The following GALR1 variants were observed in gnomAD, a reference collection of about 807,000 sequenced individuals.
GALR1 encodes the protein galanin receptor 1.
In GALR1, 11 loss-of-function variants were observed where a neutral mutation model predicts 17.9. The observed-to-expected ratio is 0.62, with a 90% CI of 0.39 to 1.02. The LOEUF is 1.02. GALR1 is among the 50% of genes least tolerant of loss of function. The pLI, the probability that GALR1 is intolerant of heterozygous loss-of-function variation, is 0.01. For missense variants in GALR1, 441 were observed against 456.9 expected, an observed-to-expected ratio of 0.97 and a Z score of 0.32; for synonymous variants, 206 against 205.7, an observed-to-expected ratio of 1.00 and a Z score of -0.01.
At chr18:77,258,924 A>ATGGTCATGG (rs1912712113) in intron 2 of GALR1, among the ~76,000 whole-genome samples, 1 of 102,514 alleles carries the variant, frequency 9.8e-6, no homozygotes, top group Non-Finnish European at 2.0e-5. Context: ...GGTGGTGATG[A>ATGGTCATGG]TGGTCATGGT....
In GALR1 at chr18:77,272,451, A is replaced by G. The variant is rs1347411092; in HGVS notation, c.*3549A>G. 1.3e-5 allele frequency: 2 copies of G among 152,236 alleles called. No individual in the cohort carries two copies. Among genetic ancestry groups the G allele is most frequent in the African/African-American group, 4.8e-5 (2 of 41,450 alleles). The allele number at this position is 152,236 out of a possible 1,614,324, so 9.4% of individuals were successfully genotyped here. ...ATGCTGAAGCAGCATTACATTGAGGAAAATAACCTATTGGGCAGCTTCATC... is the reference window on the plus strand; with the variant it reads ...ATGCTGAAGCAGCATTACATTGAGGGAAATAACCTATTGGGCAGCTTCATC... On this transcript the variant is annotated 3_prime_UTR_variant, in exon 3 of 3. Coordinates refer to ENST00000299727, the MANE Select transcript of GALR1 (RefSeq NM_001480.4).
chr18:77,270,145 A>G lies in GALR1; in HGVS notation c.*1243A>G, dbSNP rs569829915. The G allele has an allele frequency of 6.6e-6, 1 of 152,220 alleles. No homozygotes were observed. Among genetic ancestry groups the G allele is most frequent in the Non-Finnish European group, 1.5e-5 (1 of 68,036 alleles). 9.4% of individuals were successfully genotyped at this position (152,220 alleles called of 1,614,324 possible). On this transcript the variant is annotated 3_prime_UTR_variant, in exon 3 of 3. Coordinates refer to ENST00000299727, the MANE Select transcript of GALR1 (RefSeq NM_001480.4). Reference sequence around the variant, plus strand: ...TTAAATTGTCTTGTATCGGAAAAGTACTTTTCAGACTGTAAGACTTTGATA... The same window carrying G: ...TTAAATTGTCTTGTATCGGAAAAGTGCTTTTCAGACTGTAAGACTTTGATA...
intron 2 of GALR1, among the ~76,000 whole-genome samples, chr18:77,258,609 G>T (rs1481795486): frequency 6.7e-6 from 1 of 148,832 alleles, no homozygotes; most frequent in Non-Finnish European, 1.5e-5. Context: ...GGTCATGGTG[G>T]TGATGGTGGT....
At chr18:77,259,497 G>A (rs1912774595) in intron 2 of GALR1, among the ~76,000 whole-genome samples, 1 of 149,230 alleles carries the variant, frequency 6.7e-6, no homozygotes, top group Non-Finnish European at 1.5e-5. Context: ...TGATGGTGGT[G>A]GTGGTGATGG....
chr18:77,251,920 T>G (rs1228216288), intron 1 of GALR1, among the ~76,000 whole-genome samples: 4 of 152,230 alleles, frequency 2.6e-5, no homozygotes, highest in African/African-American at 4.8e-5. Flanking sequence ...AAAAGGGTGT[T>G]TCTTTACAGA....
chr18:77,252,965 CCACCATCACCACCAT>C (rs564082992), intron 1 of GALR1, among the ~76,000 whole-genome samples: 1 of 49,646 alleles, frequency 2.0e-5, no homozygotes, highest in Non-Finnish European at 4.4e-5. Context: ...ACCATCACCA[CCACCATCACCACCAT>C]CACCACCATC....
chr18:77,255,005 A>T (rs1318824968), intron 1 of GALR1, among the ~76,000 whole-genome samples: 2 of 152,160 alleles, frequency 1.3e-5, no homozygotes, highest in Non-Finnish European at 2.9e-5. Flanking sequence ...AGGTGTGACT[A>T]ATTGCTCTGA....
At position 77,277,174 on chromosome 18, in the gene GALR1, A is replaced by G. The variant is rs896228064; in HGVS notation, c.*8272A>G. 6 of 151,982 alleles carry G rather than the reference A, an allele frequency of 3.9e-5. No individual in the cohort carries two copies. The highest frequency in any genetic ancestry group is 1.4e-4 in the African/African-American group (6 of 41,432). 9.4% of individuals were successfully genotyped at this position (151,982 alleles called of 1,614,324 possible). A position where few individuals can be genotyped will look rare whatever the true frequency, so the allele number is the denominator to read the frequency against. On this transcript the variant is annotated 3_prime_UTR_variant, in exon 3 of 3. Coordinates refer to ENST00000299727, the MANE Select transcript of GALR1 (RefSeq NM_001480.4). ...TTTAAATTAAGTATCTTCTGATAAC[A>G]TAAGTAGTATGAGTAAGGAAAAAAA...
rs57811407 is a variant in GALR1 at position 77,266,632 on chromosome 18, G to C, written c.733-1953G>C. Reference sequence around the variant, plus strand: ...AGTTTAACTGACTCACAGTTACACAGGGATGGGGAGGCCTCAGGACACTTA... The same window carrying C: ...AGTTTAACTGACTCACAGTTACACACGGATGGGGAGGCCTCAGGACACTTA... On this transcript the variant is annotated intron_variant, in intron 2 of 2. Coordinates refer to ENST00000299727, the MANE Select transcript of GALR1 (RefSeq NM_001480.4). 9.6e-3 allele frequency among the ~76,000 whole-genome samples: 1,466 copies of C among 152,342 alleles called. 27 individuals are homozygous for C. Among genetic ancestry groups the C allele is most frequent in the African/African-American group, 0.033 (1,355 of 41,574 alleles).
At chr18:77,257,681 T>C (rs914069886) in intron 2 of GALR1, among the ~76,000 whole-genome samples, 2 of 152,248 alleles carry the variant, frequency 1.3e-5, no homozygotes, top group African/African-American at 2.4e-5. Context: ...AGGACAGTTA[T>C]TTTTAGAGCA....
rs763142891 is a variant in GALR1 at position 77,273,046 on chromosome 18, A to G, written c.*4144A>G. 1 of 152,180 alleles carries G rather than the reference A, an allele frequency of 6.6e-6. No homozygotes were observed. Among genetic ancestry groups the G allele is most frequent in the Non-Finnish European group, 1.5e-5 (1 of 68,054 alleles). 9.4% of individuals were successfully genotyped at this position (152,180 alleles called of 1,614,324 possible). A position where few individuals can be genotyped will look rare whatever the true frequency, so the allele number is the denominator to read the frequency against. On this transcript the variant is annotated 3_prime_UTR_variant, in exon 3 of 3. Coordinates refer to ENST00000299727, the MANE Select transcript of GALR1 (RefSeq NM_001480.4). ...TCATCGACTTGTGAAAGTGCTGTGG[A>G]TAATAGATGGTGGTTTCTTTTCTTA...
At chr18:77,268,470 A>G in intron 2 of GALR1, 115 bp from the exon 3 acceptor site, 3 of 704,478 alleles carry the variant, frequency 4.3e-6, no homozygotes, top group Non-Finnish European at 7.3e-6. Flanking sequence ...TTAGCTTAGG[A>G]TGTATTTTAA....
At chr18:77,253,282 G>A (rs1172535382) in intron 1 of GALR1, among the ~76,000 whole-genome samples, 1 of 152,144 alleles carries the variant, frequency 6.6e-6, no homozygotes, top group Non-Finnish European at 1.5e-5. Flanking sequence ...CTTTGGAAAG[G>A]AACACCTGAC....
At chr18:77,255,249 C>G (rs1568139883) in intron 1 of GALR1, among the ~76,000 whole-genome samples, 1 of 152,190 alleles carries the variant, frequency 6.6e-6, no homozygotes, top group Non-Finnish European at 1.5e-5. Context: ...GTTCTGCAGG[C>G]TTGACAACGT....
chr18:77,252,926 C>CCAT (rs1568139077), intron 1 of GALR1, among the ~76,000 whole-genome samples: 5 of 45,996 alleles, frequency 1.1e-4, no homozygotes, highest in South Asian at 6.4e-4. Flanking sequence ...ACCACCATCA[C>CCAT]CACCACCACC....
Position 77,254,313 on chromosome 18 carries a change from T to C in GALR1, c.667-1845T>C, listed in dbSNP as rs888291443. ...ATCATAATATATCATTCTGTGCTCA[T>C]AGTAGGAGCTATTGAAGAGAAGCAG... On this transcript the variant is annotated intron_variant, in intron 1 of 2. Transcript: ENST00000299727. 8.1e-4 allele frequency among the ~76,000 whole-genome samples: 124 copies of C among 152,330 alleles called. 1 individual carries two copies. The highest frequency in any genetic ancestry group is 3.4e-3 in the Middle Eastern group (1 of 294).
In GALR1 at chr18:77,268,915, T is replaced by C. The variant is rs759512675; in HGVS notation, c.*13T>C. 5 of 1,590,976 alleles carry C rather than the reference T, an allele frequency of 3.1e-6. No individual in the cohort carries two copies. The highest frequency in any genetic ancestry group is 1.1e-5 in the South Asian group (1 of 89,716). On this transcript the variant is annotated 3_prime_UTR_variant, in exon 3 of 3. Coordinates refer to ENST00000299727, the MANE Select transcript of GALR1 (RefSeq NM_001480.4). ...TACTCATGTGTGATAAAAGATAGAG[T>C]ATCCTTATGGTTGAGTTTCCATATA...
In GALR1 at chr18:77,258,812, ATAG is replaced by A. The variant is rs1452854179; in HGVS notation, c.732+2591_732+2593del. Among the ~76,000 whole-genome samples, 45 of 79,914 alleles carry A rather than the reference ATAG, an allele frequency of 5.6e-4. 1 individual carries two copies. Among genetic ancestry groups the A allele is most frequent in the African/African-American group, 2.1e-3 (40 of 18,648 alleles). The allele number at this position is 79,914 out of a possible 152,430, so 52.4% of individuals were successfully genotyped here. A position where few individuals can be genotyped will look rare whatever the true frequency, so the allele number is the denominator to read the frequency against. On this transcript the variant is annotated intron_variant, in intron 2 of 2. Transcript: ENST00000299727. ...GGTGGTGGTGATGGTGGTGGTGGTCATAGTGGTGGTGGTGCTGGTGATGGTGGT... is the reference window on the plus strand; with the variant it reads ...GGTGGTGGTGATGGTGGTGGTGGTCATGGTGGTGGTGCTGGTGATGGTGGT...
Position 77,250,778 on chromosome 18 carries a change from T to C in GALR1, c.230T>C (p.Leu77Pro), listed in dbSNP as rs746743654. The C allele has an allele frequency of 6.2e-7, 1 of 1,613,974 alleles. No homozygotes were observed. Among genetic ancestry groups the C allele is most frequent in the Non-Finnish European group, 8.5e-7 (1 of 1,179,986 alleles). ...RSTTNLFILNLSIADLAYLLF... is the reference protein window; with the variant it reads ...RSTTNLFILNPSIADLAYLLF... Reference sequence around the variant, plus strand: ...ACCACCAACCTGTTCATCCTCAACCTGAGCATCGCCGACCTGGCCTACCTG... The same window carrying C: ...ACCACCAACCTGTTCATCCTCAACCCGAGCATCGCCGACCTGGCCTACCTG... Residue 77 changes from leucine (L) to proline (P), a missense_variant, in exon 1 of 3, where the codon CTG (leucine) becomes CCG (proline). Transcript: ENST00000299727.
Sources: gnomAD v4.1 joint callset for allele counts (sites outside exome capture counted in the v4.1 genomes callset) on GRCh38, gnomAD v4.1.1 for gene constraint, MANE v1.5 for transcripts, NCBI Gene and HGNC (gene_info 2026-07-23, HGNC 2026-07-21) for gene names.